Variants in DEPDC4 observed in about 807,000 individuals in gnomAD.
DEPDC4 encodes the protein DEP domain containing 4, also known as DEP domain-containing protein 4.
DEPDC4 carries 52 observed loss-of-function variants against 52.0 expected under a neutral mutation model. The ratio of observed to expected loss-of-function variants is 1.00; its 90% CI spans 0.80 to 1.26. DEPDC4 has a LOEUF of 1.26. Ranked by LOEUF, DEPDC4 falls within the 50% of genes most tolerant of loss-of-function variation. The probability of loss-of-function intolerance (pLI) is 0.00; values close to 1 mark genes in which losing one functional copy is unlikely to be tolerated. For missense variants in DEPDC4, 530 were observed against 546.9 expected (o/e 0.97, Z 0.31); for synonymous variants, 201 against 196.8 (o/e 1.02, Z -0.18).
Position 100,241,772 on chromosome 12 carries a change from G to A in DEPDC4, c.*120C>T, listed in dbSNP as rs115373530. ...TACTATTAATCTCAAGAGCCAACTG[G>A]TGTAGATACTGAATTGTCCTTCCCT... On this transcript the variant is annotated 3_prime_UTR_variant, in exon 10 of 10. Coordinates refer to ENST00000550587, the MANE Select transcript of DEPDC4 (RefSeq NM_001364818.2). 13 of 1,273,872 alleles carry A rather than the reference G, an allele frequency of 1.0e-5. No individual in the cohort carries two copies. Among genetic ancestry groups the A allele is most frequent in the Admixed American group, 2.4e-5 (1 of 42,074 alleles). The allele number at this position is 1,273,872 out of a possible 1,614,324, so 78.9% of individuals were successfully genotyped here. A position where few individuals can be genotyped will look rare whatever the true frequency, so the allele number is the denominator to read the frequency against.
chr12:100,271,761 A>G (rs1164344266), upstream of DEPDC4, among the ~76,000 whole-genome samples: 3 of 151,924 alleles, frequency 2.0e-5, no homozygotes, highest in Non-Finnish European at 2.9e-5. Context: ...GCTTTATAAT[A>G]TTTTATTCTT....
intron 3 of DEPDC4, among the ~76,000 whole-genome samples, chr12:100,256,782 C>T (rs1459563219): frequency 1.3e-5 from 2 of 151,866 alleles, no homozygotes; most frequent in Non-Finnish European, 2.9e-5. Flanking sequence ...GCTGGGACTA[C>T]AGGCGCCCAC....
Position 100,240,910 on chromosome 12 carries a change from G to A in DEPDC4, c.*982C>T, listed in dbSNP as rs371670909. Reference sequence around the variant, plus strand: ...TCTACTAAAACTACAAAAATTAGCCGGGCATAGTGGCAGGTACCTATAATC... The same window carrying A: ...TCTACTAAAACTACAAAAATTAGCCAGGCATAGTGGCAGGTACCTATAATC... On this transcript the variant is annotated 3_prime_UTR_variant, in exon 10 of 10. Coordinates refer to ENST00000550587, the MANE Select transcript of DEPDC4 (RefSeq NM_001364818.2). 2.0e-5 allele frequency among the ~76,000 whole-genome samples: 3 copies of A among 152,016 alleles called. No homozygotes were observed. Among genetic ancestry groups the A allele is most frequent in the African/African-American group, 4.8e-5 (2 of 41,378 alleles).
chr12:100,258,646 C>T (rs952454366), intron 3 of DEPDC4, among the ~76,000 whole-genome samples: 1 of 152,072 alleles, frequency 6.6e-6, no homozygotes, highest in South Asian at 2.1e-4. Context: ...CAAGGCTTTG[C>T]AACACCAACA....
chr12:100,243,147 G>C (rs1029041272), intron 8 of DEPDC4, among the ~76,000 whole-genome samples: 8 of 152,060 alleles, frequency 5.3e-5, no homozygotes, highest in Non-Finnish European at 1.2e-4. Flanking sequence ...AAAGTTATGT[G>C]AATGTGGTCT....
At chr12:100,263,472 T>A (rs2096260961) in intron 2 of DEPDC4, 25 bp downstream of exon 2, 1 of 1,522,272 alleles carries the variant, frequency 6.6e-7, no homozygotes, top group Admixed American at 2.2e-5. Context: ...ATAAAATATA[T>A]TACAGTATCT....
intron 3 of DEPDC4, among the ~76,000 whole-genome samples, chr12:100,260,256 G>T (rs1241061221): frequency 6.6e-6 from 1 of 151,780 alleles, no homozygotes; most frequent in East Asian, 2.0e-4. Flanking sequence ...GAGTAGCTAG[G>T]ATTATAGGCA....
chr12:100,270,608 A>T (rs1481834763), upstream of DEPDC4, among the ~76,000 whole-genome samples: 2 of 149,516 alleles, frequency 1.3e-5, no homozygotes, highest in Non-Finnish European at 3.0e-5. Context: ...GTTGCCTGAA[A>T]TTTCATGTTG....
Position 100,252,410 on chromosome 12 carries a change from T to G in DEPDC4, c.1232A>C (p.Tyr411Ser). The G allele has an allele frequency of 6.4e-7, 1 of 1,574,098 alleles. No homozygotes were observed. The change falls in exon 6 of 10, where the codon TAC becomes TCC. Residue 411 changes from tyrosine (Y) to serine (S), a missense_variant. Physicochemically the swap from Tyr to Ser is moderately radical, Grantham distance 144. Coordinates refer to ENST00000550587, the MANE Select transcript of DEPDC4 (RefSeq NM_001364818.2). ...ATTTTTCACCTGTTTTTGCAACTTG[T>G]AGGCATTGGGCTCTGATGCCATTGC... is the stretch of plus-strand genomic sequence containing the variant. Reference protein sequence around the residue: ...FMAMASEPNAYKLQKQYDNKT... With the variant: ...FMAMASEPNASKLQKQYDNKT...
the DEPDC4 span, among the ~76,000 whole-genome samples, chr12:100,279,803 A>G: frequency 6.6e-6 from 1 of 152,200 alleles, no homozygotes; most frequent in Non-Finnish European, 1.5e-5. Context: ...AAACTATTCA[A>G]CTGATAGCTC....
At chr12:100,260,349 G>A (rs1453892025) in intron 3 of DEPDC4, among the ~76,000 whole-genome samples, 4 of 151,640 alleles carry the variant, frequency 2.6e-5, no homozygotes, top group African/African-American at 9.7e-5. Flanking sequence ...TTGAACTCCT[G>A]ACCTCAAGTG....
rs755515369 is a variant in DEPDC4, at chr12:100,262,353, A to G, written c.611T>C (p.Ile204Thr). The change falls in exon 3 of 10, where the codon ATT becomes ACT. Residue 204 changes from isoleucine to threonine, a missense_variant. Transcript: ENST00000550587. ...ATTTATTGTATGAATAAGTTCCTCA[A>G]TTCTTTCCTCACCAATCTCCTGTGC... Reference protein sequence around the residue: ...PLAQEIGEERIEELIHTINGN... With the variant: ...PLAQEIGEERTEELIHTINGN... 20 of 1,613,448 alleles carry G rather than the reference A, an allele frequency of 1.2e-5. No individual in the cohort carries two copies. The highest frequency in any genetic ancestry group is 5.0e-5 in the Admixed American group (3 of 59,856).
downstream of DEPDC4, among the ~76,000 whole-genome samples, chr12:100,237,459 T>C (rs995039170): frequency 3.3e-5 from 5 of 152,128 alleles, no homozygotes; most frequent in Admixed American, 3.3e-4. Context: ...CCACCCACCT[T>C]GGCCTCCCAA....
chr12:100,267,300 G>A (rs1422548434), upstream of DEPDC4: 5 of 514,688 alleles, frequency 9.7e-6, no homozygotes, highest in African/African-American at 1.9e-5. Context: ...AGAGTCAGTG[G>A]CCAGGCACGA....
the DEPDC4 span, among the ~76,000 whole-genome samples, chr12:100,281,201 G>T: frequency 1.3e-5 from 2 of 151,456 alleles, no homozygotes; most frequent in East Asian, 3.9e-4. Context: ...GCTAATTTTC[G>T]AATTTTTTGT....
At chr12:100,255,924 T>A in intron 4 of DEPDC4, 125 bp downstream of exon 4, 1 of 637,426 alleles carries the variant, frequency 1.6e-6, no homozygotes, top group Non-Finnish European at 2.6e-6. Context: ...TTCATAATGA[T>A]AATTTATAAA....
the DEPDC4 span, among the ~76,000 whole-genome samples, chr12:100,274,737 G>A: frequency 6.6e-6 from 1 of 152,178 alleles, no homozygotes; most frequent in Non-Finnish European, 1.5e-5. Context: ...AAGTGGTTAA[G>A]GAAAATCTTC....
chr12:100,260,387 C>T (rs1364486033), intron 3 of DEPDC4, among the ~76,000 whole-genome samples: 1 of 151,330 alleles, frequency 6.6e-6, no homozygotes. Context: ...TCCCAAAGTG[C>T]TGGGATTACA....
At chr12:100,244,922 A>T (rs1009826764) in intron 8 of DEPDC4, among the ~76,000 whole-genome samples, 15 of 151,342 alleles carry the variant, frequency 9.9e-5, no homozygotes, top group Non-Finnish European at 1.5e-5. Context: ...CCCAGACTGG[A>T]GTGCAGTGGC....
Sources: gnomAD v4.1 joint callset for allele counts (sites outside exome capture counted in the v4.1 genomes callset) on GRCh38, gnomAD v4.1.1 for gene constraint, MANE v1.5 for transcripts, NCBI Gene and HGNC (gene_info 2026-07-23, HGNC 2026-07-21) for gene names.